Variants in PAWR observed in about 807,000 individuals in gnomAD.
PAWR encodes the protein pro-apoptotic WT1 regulator.
In PAWR, 23 loss-of-function variants were observed where a neutral mutation model predicts 32.0. The observed-to-expected ratio is 0.72, with a 90% CI of 0.52 to 1.02. The LOEUF (loss-of-function observed/expected upper bound fraction) is 1.02. Ranked by LOEUF, PAWR falls within the 50% of genes least tolerant of loss-of-function variation. PAWR has a pLI of 0.00. For missense variants in PAWR, 457 were observed against 437.7 expected (o/e 1.04, Z -0.39); for synonymous variants, 226 against 187.1 (o/e 1.21, Z -1.70).
chr12:79,648,158 C>T (rs774337267), intron 2 of PAWR, among the ~76,000 whole-genome samples: 1 of 152,156 alleles, frequency 6.6e-6, no homozygotes, highest in Non-Finnish European at 1.5e-5. Context: ...CCTGTTCTAA[C>T]ATTCCTAACC....
At chr12:79,674,430 G>A (rs1592551007) in intron 2 of PAWR, among the ~76,000 whole-genome samples, 1 of 151,444 alleles carries the variant, frequency 6.6e-6, no homozygotes, top group Admixed American at 6.6e-5. Flanking sequence ...AGGCTTAAAT[G>A]TAAAACCTGC....
intron 2 of PAWR, among the ~76,000 whole-genome samples, chr12:79,683,576 G>T (rs189257961): frequency 1.3e-5 from 2 of 150,554 alleles, no homozygotes; most frequent in Non-Finnish European, 3.0e-5. Flanking sequence ...TTCTAGTACT[G>T]TAACTAAAGT....
intron 2 of PAWR, among the ~76,000 whole-genome samples, chr12:79,659,334 T>A (rs969854502): frequency 6.6e-6 from 1 of 151,964 alleles, no homozygotes; most frequent in Non-Finnish European, 1.5e-5. Flanking sequence ...TAAAAAAATA[T>A]CCCTGTAATG....
intron 2 of PAWR, among the ~76,000 whole-genome samples, chr12:79,664,145 T>A (rs1227300934): frequency 2.6e-5 from 4 of 152,176 alleles, no homozygotes. Flanking sequence ...AAAGGATTAT[T>A]TTCTTAAAAG....
intron 3 of PAWR, among the ~76,000 whole-genome samples, chr12:79,617,497 T>C (rs1254109048): frequency 6.6e-6 from 1 of 152,144 alleles, no homozygotes; most frequent in East Asian, 1.9e-4. Flanking sequence ...TAAAGTGATT[T>C]CTATATCCTG....
At chr12:79,645,803 T>C (rs548819891) in intron 2 of PAWR, among the ~76,000 whole-genome samples, 10 of 152,232 alleles carry the variant, frequency 6.6e-5, no homozygotes, top group Non-Finnish European at 1.0e-4. Context: ...AGTGTTTCAT[T>C]GTATAATCTG....
chr12:79,681,126 A>AGGGAGGGGAG (rs1274912588), intron 2 of PAWR, among the ~76,000 whole-genome samples: 16 of 16,356 alleles, frequency 9.8e-4, no homozygotes, highest in African/African-American at 3.3e-3. Flanking sequence ...AAGGAGAAGA[A>AGGGAGGGGAG]GGGAGGGGAG....
chr12:79,685,043 G>A (rs1878619689), intron 2 of PAWR, among the ~76,000 whole-genome samples: 1 of 152,188 alleles, frequency 6.6e-6, no homozygotes, highest in Admixed American at 6.5e-5. Context: ...TTAGAACAGT[G>A]CCTGGCACTT....
At chr12:79,635,036 C>A (rs148766449) in intron 2 of PAWR, among the ~76,000 whole-genome samples, 1 of 152,108 alleles carries the variant, frequency 6.6e-6, no homozygotes, top group Non-Finnish European at 1.5e-5. Context: ...CATAACCTCA[C>A]ATATCCTAAT....
chr12:79,605,519 CTT>C (rs1341116639), intron 4 of PAWR, among the ~76,000 whole-genome samples: 3 of 150,404 alleles, frequency 2.0e-5, no homozygotes, highest in African/African-American at 2.4e-5. Context: ...CAGATACATT[CTT>C]TTTTTTTTAA....
At position 79,625,290 on chromosome 12, in the gene PAWR, G is replaced by C. The variant is rs1199187605; in HGVS notation, c.517-4083C>G. Among the ~76,000 whole-genome samples, 2 of 151,994 alleles carry C rather than the reference G, an allele frequency of 1.3e-5. 1 individual carries two copies. The highest frequency in any genetic ancestry group is 4.1e-4 in the South Asian group (2 of 4,826). ...GACAGTATCAAGCAGTCTAACACAT[G>C]CATAATTGGGGTCTCAGAAGGCAAG... On this transcript the variant is annotated intron_variant, in intron 2 of 6. Transcript: ENST00000328827.
At chr12:79,602,274 T>C (rs1873993223) in intron 4 of PAWR, among the ~76,000 whole-genome samples, 1 of 152,176 alleles carries the variant, frequency 6.6e-6, no homozygotes, top group African/African-American at 2.4e-5. Flanking sequence ...TGAATAAAAG[T>C]TCCAATATTT....
rs1253374904 is a variant in PAWR at position 79,591,057 on chromosome 12, G to T, written c.*1550C>A. On this transcript the variant is annotated 3_prime_UTR_variant, in exon 7 of 7. Transcript: ENST00000328827. ...AAGTAGACTATGATCAGAAACCTCAGATGGTAACCTTTAAAAATTGTGGAA... is the reference window on the plus strand; with the variant it reads ...AAGTAGACTATGATCAGAAACCTCATATGGTAACCTTTAAAAATTGTGGAA... 1 of 152,154 alleles carries T rather than the reference G, an allele frequency of 6.6e-6. No individual in the cohort carries two copies. The highest frequency in any genetic ancestry group is 6.5e-5 in the Admixed American group (1 of 15,270). The allele number at this position is 152,154 out of a possible 1,614,324, so 9.4% of individuals were successfully genotyped here.
chr12:79,659,300 A>G (rs1172910439), intron 2 of PAWR, among the ~76,000 whole-genome samples: 1 of 152,160 alleles, frequency 6.6e-6, no homozygotes, highest in Admixed American at 6.5e-5. Context: ...TCTCAAAGAA[A>G]AAAAAAAAAA....
chr12:79,677,251 A>G (rs1878216122), intron 2 of PAWR, among the ~76,000 whole-genome samples: 2 of 152,366 alleles, frequency 1.3e-5, no homozygotes, highest in South Asian at 4.1e-4. Flanking sequence ...AAAGATAGTG[A>G]TAACAAAAAT....
At chr12:79,658,475 T>A (rs1476188044) in intron 2 of PAWR, among the ~76,000 whole-genome samples, 1 of 152,154 alleles carries the variant, frequency 6.6e-6, no homozygotes, top group Non-Finnish European at 1.5e-5. Context: ...AAAAAAGATT[T>A]TTTTGCCTTG....
At chr12:79,610,477 A>G (rs1228524207) in intron 4 of PAWR, among the ~76,000 whole-genome samples, 2 of 152,222 alleles carry the variant, frequency 1.3e-5, no homozygotes, top group African/African-American at 4.8e-5. Flanking sequence ...TAAAGTAGAC[A>G]GAAATTACGG....
intron 2 of PAWR, among the ~76,000 whole-genome samples, chr12:79,680,677 CA>C (rs529749519): frequency 6.6e-6 from 1 of 152,158 alleles, no homozygotes; most frequent in East Asian, 1.9e-4. Flanking sequence ...CTCCAACCAC[CA>C]ACTTCCCAGT....
rs1873445094 is a variant in PAWR at position 79,588,282 on chromosome 12, A to C, written c.*4325T>G. On this transcript the variant is annotated 3_prime_UTR_variant, in exon 7 of 7. Coordinates refer to ENST00000328827, the MANE Select transcript of PAWR (RefSeq NM_002583.4). ...CTTACATATCTAAAAACAAACCAGT[A>C]ATCAATAATATATACAGAAATACTA... 1.3e-5 allele frequency: 2 copies of C among 151,994 alleles called. No individual in the cohort carries two copies. The highest frequency in any genetic ancestry group is 4.8e-5 in the African/African-American group (2 of 41,442). The allele number at this position is 151,994 out of a possible 1,614,324, so 9.4% of individuals were successfully genotyped here.
Sources: allele counts gnomAD v4.1 joint callset (sites outside exome capture counted in the v4.1 genomes callset), GRCh38; gene constraint gnomAD v4.1.1; transcripts MANE v1.5; gene names NCBI Gene and HGNC (gene_info 2026-07-23, HGNC 2026-07-21).